Variants in RP1 observed in about 807,000 individuals in gnomAD.
RP1 encodes oxygen-regulated protein 1.
A neutral mutation model predicts 14.8 loss-of-function variants in RP1; 16 were observed. The observed-to-expected ratio is 1.08, with a 90% CI of 0.73 to 1.65. RP1 has a LOEUF of 1.65. RP1 is among the 40% of genes most tolerant of loss of function. The probability of loss-of-function intolerance (pLI) is 0.00; values close to 1 mark genes in which losing one functional copy is unlikely to be tolerated. For missense variants in RP1, 2,631 were observed against 2,535.0 expected (o/e 1.04, Z -0.81); for synonymous variants, 876 against 883.6 (o/e 0.99, Z 0.15).
intron 22 of RP1, among the ~76,000 whole-genome samples, chr8:54,759,330 AG>A: frequency 6.6e-6 from 1 of 152,184 alleles, no homozygotes; most frequent in Non-Finnish European, 1.5e-5. Flanking sequence ...AAGGACCAAA[AG>A]TTTAATACTG....
At chr8:54,734,753 C>T (rs1396845377) in intron 18 of RP1, 15 of 1,521,686 alleles carry the variant, frequency 9.9e-6, no homozygotes, top group Non-Finnish European at 1.3e-5. Flanking sequence ...AGGTAAACAA[C>T]ACTGGCAGTA....
In RP1 at chr8:54,754,858, G is replaced by A. The variant is rs1245079543; in HGVS notation, c.2864G>A (p.Trp955Ter). Residue 955 changes from tryptophan (W) to a stop codon, truncating the protein, a stop_gained, in exon 20 of 23, where the codon TGG becomes TAG. Transcript: ENST00000636932. LOFTEE classifies it high-confidence loss of function. ...ATCCTAGATTTTGCAGCAAACGTAT[G>A]GCTGTCTCGGATTCAGGCAGATGGG... The A allele has an allele frequency of 6.5e-7, 1 of 1,527,768 alleles. No homozygotes were observed. The highest frequency in any genetic ancestry group is 8.8e-7 in the Non-Finnish European group (1 of 1,142,830). The allele number at this position is 1,527,768 out of a possible 1,614,324, so 94.6% of individuals were successfully genotyped here.
intron 3 of RP1, among the ~76,000 whole-genome samples, chr8:54,636,992 C>T (rs1806360912): frequency 6.6e-6 from 1 of 152,130 alleles, no homozygotes; most frequent in South Asian, 2.1e-4. Context: ...TCCCTGTTCA[C>T]CTATTAGTTT....
At chr8:54,640,443 C>T (rs929701104) in intron 3 of RP1, among the ~76,000 whole-genome samples, 2 of 152,168 alleles carry the variant, frequency 1.3e-5, no homozygotes, top group African/African-American at 4.8e-5. Flanking sequence ...TTTGACCAAT[C>T]TAGGTTCTTT....
chr8:54,562,884 C>T (rs529495155), intron 1 of RP1, among the ~76,000 whole-genome samples: 77 of 152,286 alleles, frequency 5.1e-4, no homozygotes, highest in African/African-American at 1.6e-3. Flanking sequence ...GCAAAGACCA[C>T]GGAGACAGGT....
At position 54,628,527 on chromosome 8, in the gene RP1, G is replaced by A. The variant is rs576383843; in HGVS notation, c.4645G>A (p.Glu1549Lys). 1 of 1,613,876 alleles carries A rather than the reference G, an allele frequency of 6.2e-7. No homozygotes were observed. The highest frequency in any genetic ancestry group is 1.1e-5 in the South Asian group (1 of 91,074). The part of the protein sequence containing the change: ...DFCYDSKQNS[E>K]KETNEGETKM... ...TTGCTATGATTCTAAGCAAAATAGT[G>A]AAAAGGAGACCAATGAAGGAGAAAC... Residue 1549 changes from glutamate to lysine, a missense_variant, in exon 4 of 4, where the codon GAA becomes AAA. Transcript: ENST00000220676.
chr8:54,834,675 GT>G (rs34357204), intron 24 of RP1, among the ~76,000 whole-genome samples: 87 of 146,758 alleles, frequency 5.9e-4, no homozygotes, highest in South Asian at 4.1e-3. Context: ...TGCTTTGGGA[GT>G]TTTTTTTTTT....
chr8:54,780,260 G>A (rs55643077), intron 23 of RP1, among the ~76,000 whole-genome samples: 1,595 of 152,362 alleles, frequency 0.01, 20 homozygotes, highest in Middle Eastern at 0.037. Flanking sequence ...TTTGGCCCAT[G>A]GGCCATAGTT....
intron 23 of RP1, among the ~76,000 whole-genome samples, chr8:54,782,183 A>G (rs1459448919): frequency 6.6e-6 from 1 of 152,204 alleles, no homozygotes; most frequent in African/African-American, 2.4e-5. Context: ...TTATTTTCCC[A>G]CATGAACTGT....
intron 6 of RP1, among the ~76,000 whole-genome samples, chr8:54,660,111 A>T (rs749745868): frequency 6.6e-6 from 1 of 152,120 alleles, no homozygotes; most frequent in African/African-American, 2.4e-5. Flanking sequence ...TTTTCTACAT[A>T]TATAACCTGC....
At chr8:54,768,203 C>T (rs955972331) in intron 22 of RP1, among the ~76,000 whole-genome samples, 2 of 152,246 alleles carry the variant, frequency 1.3e-5, no homozygotes, top group South Asian at 4.1e-4. Context: ...GGTGCCCATC[C>T]TGACCTACTT....
chr8:54,846,943 T>A (rs1279980760), intron 25 of RP1, among the ~76,000 whole-genome samples: 2 of 152,204 alleles, frequency 1.3e-5, no homozygotes, highest in Non-Finnish European at 2.9e-5. Context: ...CCTTTGGGAC[T>A]GTCACACTGA....
rs1025920292 is a variant in RP1, at chr8:54,679,311, C to T, written c.1479-109C>T. 82 of 955,434 alleles carry T rather than the reference C, an allele frequency of 8.6e-5. 1 individual carries two copies. In the South Asian group the frequency reaches 1.1e-3, roughly 13 times the overall value. 59.2% of individuals were successfully genotyped at this position (955,434 alleles called of 1,614,324 possible). A position where few individuals can be genotyped will look rare whatever the true frequency, so the allele number is the denominator to read the frequency against. On this transcript the variant is annotated intron_variant, in intron 9 of 22. Coordinates refer to the RP1 transcript ENST00000636932. ...TCTGCCTTTGAGAGCCAGATAGCCA[C>T]GTCTTTTCCCTTTCCTGCTATCTTG...
chr8:54,653,799 G>A (rs1806703205), intron 5 of RP1, among the ~76,000 whole-genome samples: 1 of 152,096 alleles, frequency 6.6e-6, no homozygotes, highest in South Asian at 2.1e-4. Flanking sequence ...TAGAGCTTTT[G>A]AAGTATGATA....
chr8:54,698,363 C>T (rs1468408760), intron 12 of RP1, among the ~76,000 whole-genome samples: 2 of 152,060 alleles, frequency 1.3e-5, no homozygotes, highest in East Asian at 1.9e-4. Flanking sequence ...GTTAGAATGA[C>T]GATCATTAAA....
chr8:54,681,482 T>TTGTGTGTGTGTG (rs3049538), intron 12 of RP1, among the ~76,000 whole-genome samples: 1 of 141,666 alleles, frequency 7.1e-6, no homozygotes, highest in African/African-American at 2.7e-5. Context: ...ATTTTTTGAT[T>TTGTGTGTGTGTG]TGTGTGTGTG....
intron 12 of RP1, among the ~76,000 whole-genome samples, chr8:54,684,926 G>A (rs1807522899): frequency 6.6e-6 from 1 of 152,046 alleles, no homozygotes; most frequent in Non-Finnish European, 1.5e-5. Context: ...ACTTATAAGT[G>A]GGGGCTGAAC....
rs574186172 is a variant in RP1 at position 54,846,432 on chromosome 8, C to G, written c.3836-6142C>G. Reference sequence around the variant, plus strand: ...ACAGCCCTTCCTAAGGAAAGTATTGCGTGTGATGGAAATATTCCCTATCTT... The same window carrying G: ...ACAGCCCTTCCTAAGGAAAGTATTGGGTGTGATGGAAATATTCCCTATCTT... On this transcript the variant is annotated intron_variant, in intron 25 of 28. Coordinates refer to the RP1 transcript ENST00000637698. 2.6e-5 allele frequency among the ~76,000 whole-genome samples: 4 copies of G among 152,228 alleles called. No individual in the cohort carries two copies. In the South Asian group the frequency reaches 8.3e-4, roughly 32 times the overall value.
At chr8:54,868,299 A>G (rs72650380) in intron 28 of RP1, among the ~76,000 whole-genome samples, 281 of 152,314 alleles carry the variant, frequency 1.8e-3, no homozygotes, top group Non-Finnish European at 3.2e-3. Flanking sequence ...AAGATGGTTT[A>G]TTGTATCATA....
Sources: allele counts gnomAD v4.1 joint callset (sites outside exome capture counted in the v4.1 genomes callset), GRCh38; gene constraint gnomAD v4.1.1; transcripts MANE v1.5; gene names NCBI Gene and HGNC (gene_info 2026-07-23, HGNC 2026-07-21).